TBCE: variants seen among roughly 807,000 people sequenced by gnomAD.
The protein encoded by TBCE is tubulin-specific chaperone E.
A neutral mutation model predicts 77.0 loss-of-function variants in TBCE; 53 were observed. The observed-to-expected ratio is 0.69, with a 90% CI of 0.55 to 0.87. The LOEUF is 0.87. TBCE is among the 40% of genes least tolerant of loss of function. TBCE has a pLI of 0.00. For synonymous variants in TBCE, 235 were observed against 241.3 expected, an observed-to-expected ratio of 0.97 and a Z score of 0.24; for missense variants, 624 against 622.4, an observed-to-expected ratio of 1.00 and a Z score of -0.03.
At chr1:235,377,699 A>G (rs1480341863) in intron 1 of TBCE, among the ~76,000 whole-genome samples, 1 of 149,776 alleles carries the variant, frequency 6.7e-6, no homozygotes, top group Non-Finnish European at 1.5e-5. Context: ...TCACCCAGGC[A>G]GAAGTACAAT....
At chr1:235,401,629 T>G in intron 3 of TBCE, 42 bp downstream of exon 3, 1 of 1,481,802 alleles carries the variant, frequency 6.7e-7, no homozygotes, top group East Asian at 2.3e-5. Context: ...TTAGTCAAGA[T>G]TATATTTAAT....
At chr1:235,424,038 T>A (rs1680559476) in intron 5 of TBCE, among the ~76,000 whole-genome samples, 1 of 152,220 alleles carries the variant, frequency 6.6e-6, no homozygotes, top group African/African-American at 2.4e-5. Flanking sequence ...ACTGTTTTTG[T>A]AAAGAAACTT....
chr1:235,414,330 A>AT, intron 3 of TBCE, 103 bp from the exon 4 acceptor site: 1 of 1,092,400 alleles, frequency 9.2e-7, no homozygotes, highest in Non-Finnish European at 1.4e-6. Flanking sequence ...GCTAATTTTG[A>AT]TTTTTTAGCA....
intron 15 of TBCE, among the ~76,000 whole-genome samples, chr1:235,444,619 G>A (rs1682121077): frequency 1.3e-5 from 2 of 152,128 alleles, no homozygotes; most frequent in African/African-American, 2.4e-5. Context: ...TGCTAAGGCT[G>A]GCCTCAAACT....
At chr1:235,380,605 C>G (rs1315114212) in intron 2 of TBCE, among the ~76,000 whole-genome samples, 1 of 151,638 alleles carries the variant, frequency 6.6e-6, no homozygotes, top group Admixed American at 6.6e-5. Flanking sequence ...ACCTATGTTT[C>G]TACAGCATTA....
At chr1:235,414,831 G>C in intron 4 of TBCE, 1 of 551,800 alleles carries the variant, frequency 1.8e-6, no homozygotes, top group Non-Finnish European at 3.2e-6. Context: ...TATCCAGTTT[G>C]CAATTGAAAT....
intron 13 of TBCE, among the ~76,000 whole-genome samples, chr1:235,440,461 C>T (rs567918454): frequency 2.0e-5 from 3 of 152,134 alleles, no homozygotes; most frequent in Middle Eastern, 3.4e-3. Flanking sequence ...GGCGCGATCT[C>T]GGCTCACTGC....
At chr1:235,368,599 C>CAAGGCT (rs1676712688) in intron 1 of TBCE, among the ~76,000 whole-genome samples, 1 of 132,060 alleles carries the variant, frequency 7.6e-6, no homozygotes, top group African/African-American at 3.0e-5. Flanking sequence ...GCTCTGTCGC[C>CAAGGCT]CAAGGCTGGT....
At chr1:235,442,985 C>A in intron 15 of TBCE, 74 bp downstream of exon 15, 1 of 1,453,732 alleles carries the variant, frequency 6.9e-7, no homozygotes, top group East Asian at 2.3e-5. Context: ...AAAATTAAAA[C>A]CTTTAACTCA....
At chr1:235,405,966 A>ATGACTG (rs1400577476) in intron 3 of TBCE, among the ~76,000 whole-genome samples, 1 of 152,232 alleles carries the variant, frequency 6.6e-6, no homozygotes, top group African/African-American at 2.4e-5. Context: ...TATGTGGTGC[A>ATGACTG]TGACTGTATT....
intron 6 of TBCE, chr1:235,430,039 G>A (rs1450672729): frequency 7.1e-6 from 1 of 140,326 alleles, no homozygotes; most frequent in Non-Finnish European, 1.6e-5. Flanking sequence ...TTTCATTCTT[G>A]AACCATTTTT....
At chr1:235,414,997 G>T in intron 4 of TBCE, 1 of 298,256 alleles carries the variant, frequency 3.4e-6, no homozygotes, top group Non-Finnish European at 6.5e-6. Context: ...GGAGCGTGCT[G>T]GTGCCGTCTG....
intron 2 of TBCE, among the ~76,000 whole-genome samples, chr1:235,388,564 C>T (rs185923013): frequency 1.7e-4 from 26 of 152,258 alleles, no homozygotes; most frequent in Middle Eastern, 3.4e-3. Flanking sequence ...GCTGGGATTA[C>T]GGGCATGAGC....
intron 2 of TBCE, among the ~76,000 whole-genome samples, chr1:235,394,986 T>G (rs1383129337): frequency 6.6e-6 from 1 of 152,232 alleles, no homozygotes; most frequent in Non-Finnish European, 1.5e-5. Flanking sequence ...ATCACAGGCA[T>G]GAGCCACAGT....
intron 8 of TBCE, among the ~76,000 whole-genome samples, chr1:235,435,036 G>T (rs1015732320): frequency 6.6e-6 from 1 of 151,822 alleles, no homozygotes; most frequent in South Asian, 2.1e-4. Flanking sequence ...TGAATTAAAG[G>T]ATTCAGAATC....
intron 6 of TBCE, among the ~76,000 whole-genome samples, chr1:235,427,985 G>T (rs1252250831): frequency 1.3e-5 from 2 of 151,798 alleles, no homozygotes; most frequent in Non-Finnish European, 2.9e-5. Context: ...AGCTGAGATC[G>T]TGCCATTGCA....
chr1:235,428,273 G>A (rs899519134), intron 6 of TBCE, among the ~76,000 whole-genome samples: 95 of 152,152 alleles, frequency 6.2e-4, no homozygotes, highest in Non-Finnish European at 1.1e-3. Context: ...GCAGTGAGCC[G>A]AGATTGTGCC....
chr1:235,438,561 A>AAAG (rs1296728771), intron 12 of TBCE, among the ~76,000 whole-genome samples: 1 of 151,340 alleles, frequency 6.6e-6, no homozygotes, highest in East Asian at 1.9e-4. Flanking sequence ...TTAAAAAAAA[A>AAAG]AAGAGTGTAA....
intron 2 of TBCE, among the ~76,000 whole-genome samples, chr1:235,398,365 C>G (rs780097001): frequency 3.3e-5 from 5 of 151,952 alleles, no homozygotes; most frequent in Non-Finnish European, 7.4e-5. Context: ...AGGCTGGTCT[C>G]AAATTCCTGA....
Sources: gnomAD v4.1 joint callset for allele counts (sites outside exome capture counted in the v4.1 genomes callset) on GRCh38, gnomAD v4.1.1 for gene constraint, MANE v1.5 for transcripts, NCBI Gene and HGNC (gene_info 2026-07-23, HGNC 2026-07-21) for gene names.